Variants in TRPM3 observed in about 807,000 individuals in gnomAD.
The protein encoded by TRPM3 is long transient receptor potential channel 3.
Under a neutral mutation model 181.2 loss-of-function variants are expected in TRPM3, and 77 were observed. The ratio of observed to expected loss-of-function variants is 0.42; its 90% CI spans 0.35 to 0.51. The LOEUF (loss-of-function observed/expected upper bound fraction) is 0.51, where lower values mean the gene tolerates loss of function less well. Among genes scored for constraint, TRPM3 ranks in the 20% least tolerant of loss-of-function variants. The probability of loss-of-function intolerance (pLI) is 0.01; values close to 1 mark genes in which losing one functional copy is unlikely to be tolerated. For missense variants in TRPM3, 1,759 were observed against 2,196.7 expected (o/e 0.80, Z 3.98); for synonymous variants, 745 against 796.4 (o/e 0.94, Z 1.09).
chr9:71,353,320 A>T (rs1004402321), intron 1 of TRPM3, among the ~76,000 whole-genome samples: 12 of 152,076 alleles, frequency 7.9e-5, no homozygotes, highest in African/African-American at 2.9e-4. Flanking sequence ...TCCCTTGATT[A>T]CATTATTTCC....
At chr9:71,373,442 G>T (rs2092583190) in intron 1 of TRPM3, among the ~76,000 whole-genome samples, 1 of 152,006 alleles carries the variant, frequency 6.6e-6, no homozygotes, top group East Asian at 1.9e-4. Context: ...CTGATAAGGG[G>T]GATATCCCCA....
chr9:71,432,745 T>C (rs1298736058), intron 1 of TRPM3, among the ~76,000 whole-genome samples: 2 of 152,170 alleles, frequency 1.3e-5, no homozygotes, highest in African/African-American at 4.8e-5. Context: ...GACTTTGTGA[T>C]ATGAAGCCAA....
At chr9:70,611,506 C>T (rs1377383617) in intron 18 of TRPM3, among the ~76,000 whole-genome samples, 1 of 152,170 alleles carries the variant, frequency 6.6e-6, no homozygotes, top group African/African-American at 2.4e-5. Flanking sequence ...CTTTGCCTTC[C>T]ACCATGATTG....
chr9:70,636,632 C>T (rs1564649642), intron 11 of TRPM3, among the ~76,000 whole-genome samples: 1 of 150,820 alleles, frequency 6.6e-6, no homozygotes, highest in Admixed American at 6.6e-5. Flanking sequence ...TTTAACTGGG[C>T]ATCCTGTATT....
chr9:71,334,239 G>A (rs1282286634), intron 1 of TRPM3, among the ~76,000 whole-genome samples: 2 of 151,614 alleles, frequency 1.3e-5, no homozygotes, highest in Non-Finnish European at 2.9e-5. Context: ...ACCACTCAAA[G>A]CTCTAATATT....
intron 1 of TRPM3, among the ~76,000 whole-genome samples, chr9:71,082,120 G>A (rs2064456007): frequency 7.1e-6 from 1 of 141,208 alleles, no homozygotes; most frequent in Non-Finnish European, 1.6e-5. Flanking sequence ...TTAGTTAAGT[G>A]TGTGTTCAGT....
At chr9:71,167,450 C>A (rs1003963014) in intron 1 of TRPM3, among the ~76,000 whole-genome samples, 1 of 152,060 alleles carries the variant, frequency 6.6e-6, no homozygotes, top group African/African-American at 2.4e-5. Context: ...TTCACACAAC[C>A]AATCAAACAA....
chr9:71,175,043 GA>G (rs1292109373), intron 1 of TRPM3, among the ~76,000 whole-genome samples: 4 of 152,128 alleles, frequency 2.6e-5, no homozygotes, highest in Non-Finnish European at 4.4e-5. Context: ...TGACGTGTAG[GA>G]AAAAACAAGC....
intron 1 of TRPM3, among the ~76,000 whole-genome samples, chr9:71,443,129 G>C (rs1411077913): frequency 6.6e-6 from 1 of 152,004 alleles, no homozygotes; most frequent in East Asian, 1.9e-4. Context: ...AATGACCTAT[G>C]ACGCAATCTC....
chr9:71,150,734 CT>C (rs1192701295), intron 1 of TRPM3, among the ~76,000 whole-genome samples: 1 of 152,054 alleles, frequency 6.6e-6, no homozygotes, highest in Non-Finnish European at 1.5e-5. Context: ...CAACATATTT[CT>C]TAGACCTATA....
chr9:70,623,918 G>C (rs917330240), intron 14 of TRPM3, among the ~76,000 whole-genome samples: 1 of 152,088 alleles, frequency 6.6e-6, no homozygotes, highest in Non-Finnish European at 1.5e-5. Flanking sequence ...TTGGCAGATG[G>C]ACTAAGGTTA....
chr9:70,811,264 T>C lies in TRPM3; in HGVS notation c.973+16583A>G, dbSNP rs752710296. On this transcript the variant is annotated intron_variant, in intron 6 of 25. Transcript: ENST00000677713. ...GGCATCCTGTCAAAAAATAAAATCT[T>C]TGAAATTTCTACACCCTGTGGTTGC... The C allele has an allele frequency of 1.3e-5, 20 of 1,585,084 alleles. No individual in the cohort carries two copies. The Admixed American group carries it at 1.6e-4, about 13-fold the overall frequency.
chr9:70,797,091 C>A (rs2087288893), intron 6 of TRPM3, among the ~76,000 whole-genome samples: 1 of 152,134 alleles, frequency 6.6e-6, no homozygotes, highest in Admixed American at 6.5e-5. Flanking sequence ...GATTGTGCCA[C>A]TGTGCTTCAG....
At chr9:70,805,669 C>A (rs1197984579) in intron 6 of TRPM3, among the ~76,000 whole-genome samples, 1 of 148,324 alleles carries the variant, frequency 6.7e-6, no homozygotes, top group African/African-American at 2.5e-5. Context: ...AGTTTATGAA[C>A]AATAATTCAT....
chr9:70,855,873 TA>T (rs5898168), intron 3 of TRPM3, among the ~76,000 whole-genome samples: 55,325 of 151,908 alleles, frequency 0.36, 10,484 homozygotes, highest in Non-Finnish European at 0.38. Flanking sequence ...GTTTAATAGA[TA>T]AAAAAATATC....
chr9:71,075,750 C>T (rs1447712114), intron 1 of TRPM3, among the ~76,000 whole-genome samples: 3 of 152,124 alleles, frequency 2.0e-5, no homozygotes, highest in South Asian at 2.1e-4. Context: ...TTTTCTTATT[C>T]CAATTTAGGG....
At chr9:70,663,794 G>A (rs10123363) in intron 9 of TRPM3, among the ~76,000 whole-genome samples, 23,563 of 152,102 alleles carry the variant, frequency 0.15, 1,913 homozygotes, top group South Asian at 0.23. Context: ...GCTATCTGAC[G>A]CAATTCTGAT....
chr9:71,225,084 T>C (rs2080507630), intron 1 of TRPM3, among the ~76,000 whole-genome samples: 1 of 152,120 alleles, frequency 6.6e-6, no homozygotes, highest in Non-Finnish European at 1.5e-5. Context: ...TATAGAAGGC[T>C]ACCAATATTT....
At chr9:71,301,938 G>C (rs1259102245) in intron 1 of TRPM3, among the ~76,000 whole-genome samples, 2 of 152,078 alleles carry the variant, frequency 1.3e-5, no homozygotes, top group East Asian at 1.9e-4. Context: ...TGTCTCCGTA[G>C]TTAGAAAATC....
Sources: allele counts gnomAD v4.1 joint callset (sites outside exome capture counted in the v4.1 genomes callset), GRCh38; gene constraint gnomAD v4.1.1; transcripts MANE v1.5; gene names NCBI Gene and HGNC (gene_info 2026-07-23, HGNC 2026-07-21).